The following TCOF1 variants were observed in gnomAD, a reference collection of about 807,000 sequenced individuals.
TCOF1 encodes the protein treacle protein.
A neutral mutation model predicts 149.0 loss-of-function variants in TCOF1; 33 were observed. That is an observed-to-expected ratio of 0.22 (90% CI 0.17 to 0.30). TCOF1 has a LOEUF of 0.30. TCOF1 is among the 10% of genes least tolerant of loss of function. TCOF1 has a pLI of 1.00. For synonymous variants in TCOF1, 789 were observed against 738.8 expected (o/e 1.07, Z -1.10); for missense variants, 1,728 against 1,840.7 (o/e 0.94, Z 1.12).
chr5:150,374,136 A>G, intron 7 of TCOF1, 38 bp from the exon 8 acceptor site: 1 of 1,590,194 alleles, frequency 6.3e-7, no homozygotes, highest in Non-Finnish European at 8.6e-7. Flanking sequence ...GAGAGTTTTC[A>G]CAAGCAGGAG....
chr5:150,387,849 T>C (rs978490152), intron 17 of TCOF1, 53 bp from the exon 18 acceptor site: 21 of 1,612,058 alleles, frequency 1.3e-5, no homozygotes, highest in Non-Finnish European at 1.7e-5. Flanking sequence ...TCACCTCCTT[T>C]CCCTGGCCAA....
chr5:150,375,077 G>T lies in TCOF1; in HGVS notation c.1402G>T (p.Val468Leu). The change falls in exon 10 of 27, where the codon GTG becomes TTG. Residue 468 changes from valine to leucine, a missense_variant. Around this residue, in one of 2 missense-constraint regions of TCOF1, gnomAD observed 1,696 missense variants for 1,765.4 expected, o/e 0.96. Coordinates refer to ENST00000643257, the MANE Select transcript of TCOF1 (RefSeq NM_001371623.1). Reference sequence around the variant, plus strand: ...AGGGCCTGCAGCCGCCCAGGTCCAGGTGGGGAAGCAGGAGGAGGACTCAAG... The same window carrying T: ...AGGGCCTGCAGCCGCCCAGGTCCAGTTGGGGAAGCAGGAGGAGGACTCAAG... ...KTGPAAAQVQ[V>L]GKQEEDSRSS... 1 of 1,614,190 alleles carries T rather than the reference G, an allele frequency of 6.2e-7. No homozygotes were observed. The highest frequency in any genetic ancestry group is 1.1e-5 in the South Asian group (1 of 91,084).
chr5:150,394,140 G>A (rs1236132142), intron 23 of TCOF1: 1 of 157,378 alleles, frequency 6.4e-6, no homozygotes, highest in Non-Finnish European at 1.4e-5. Flanking sequence ...TGCCTCAGAG[G>A]AAGCTGCGTC....
Position 150,393,539 on chromosome 5 carries a change from G to T in TCOF1, c.3771G>T (p.Leu1257Phe), listed in dbSNP as rs758967054. 1 of 1,614,044 alleles carries T rather than the reference G, an allele frequency of 6.2e-7. No homozygotes were observed. The highest frequency in any genetic ancestry group is 8.5e-7 in the Non-Finnish European group (1 of 1,180,038). The change falls in exon 23 of 27, where the codon TTG becomes TTT. Residue 1257 changes from leucine (L) to phenylalanine (F), a missense_variant. Physicochemically the swap from Leu to Phe is conservative, Grantham distance 22 (BLOSUM62 0). Around this residue, in one of 2 missense-constraint regions of TCOF1, gnomAD observed 1,696 missense variants for 1,765.4 expected, o/e 0.96. Coordinates refer to ENST00000643257, the MANE Select transcript of TCOF1 (RefSeq NM_001371623.1). ...AGCCCCAACAGGCAGCAGGCATGTTGTCCCCTAAAACAGGTAAGTTAAGGT... is the reference window on the plus strand; with the variant it reads ...AGCCCCAACAGGCAGCAGGCATGTTTTCCCCTAAAACAGGTAAGTTAAGGT... ...EAKPQQAAGM[L>F]SPKTGGKEAA...
At chr5:150,373,052 G>A (rs1053189442) in intron 7 of TCOF1, among the ~76,000 whole-genome samples, 1 of 152,160 alleles carries the variant, frequency 6.6e-6, no homozygotes. Context: ...CACAGTGTTG[G>A]ATGGGCATCC....
At chr5:150,384,245 C>T (rs1765819239) in intron 17 of TCOF1, 1 of 992,688 alleles carries the variant, frequency 1.0e-6, no homozygotes, top group South Asian at 4.6e-5. Flanking sequence ...AAAGAACAAC[C>T]ACCACCAACA....
intron 17 of TCOF1, among the ~76,000 whole-genome samples, chr5:150,382,127 G>T (rs548661175): frequency 5.9e-5 from 9 of 152,174 alleles, no homozygotes; most frequent in Non-Finnish European, 1.2e-4. Context: ...GGAGGTTGCA[G>T]CCTGGGCAAC....
intron 17 of TCOF1, chr5:150,384,355 G>C: frequency 1.0e-6 from 1 of 985,684 alleles, no homozygotes; most frequent in Non-Finnish European, 1.2e-6. Context: ...CTGGGAGTGA[G>C]GCTCAGAGAA....
rs777365006 is a variant in TCOF1 at position 150,364,259 on chromosome 5, G to T, written c.304+7G>T. On this transcript the variant is annotated splice_region_variant and intron_variant, in intron 3 of 26. Transcript: ENST00000643257. ...GCCGAAACCGCCAAAGCCAGTAAGA[G>T]CCTTGCAGCTTTGGGAACAGGCTAT... is the stretch of plus-strand genomic sequence containing the variant. 1.9e-6 allele frequency: 3 copies of T among 1,614,080 alleles called. No individual in the cohort carries two copies. In the East Asian group the frequency reaches 6.7e-5, roughly 36 times the overall value.
intron 17 of TCOF1, 53 bp downstream of exon 17, chr5:150,379,785 T>A: frequency 1.3e-6 from 2 of 1,592,720 alleles, no homozygotes; most frequent in Non-Finnish European, 1.7e-6. Context: ...AGAACGGGGG[T>A]ATAGGGCTGG....
intron 19 of TCOF1, among the ~76,000 whole-genome samples, chr5:150,390,296 C>T (rs1053696665): frequency 1.3e-5 from 2 of 152,208 alleles, no homozygotes; most frequent in African/African-American, 4.8e-5. Flanking sequence ...CGTAGTGGGG[C>T]TTTTGATTTT....
intron 7 of TCOF1, among the ~76,000 whole-genome samples, chr5:150,373,447 T>C (rs1762992547): frequency 6.6e-6 from 1 of 152,220 alleles, no homozygotes; most frequent in South Asian, 2.1e-4. Flanking sequence ...ACTTTCTGCA[T>C]GAGAAGCTTC....
At chr5:150,371,956 G>T in intron 6 of TCOF1, 50 bp from the exon 7 acceptor site, 1 of 1,546,084 alleles carries the variant, frequency 6.5e-7, no homozygotes. Flanking sequence ...AGAACCTTAG[G>T]GGGAAACAGT....
At chr5:150,379,453 A>T in intron 16 of TCOF1, 45 bp downstream of exon 16, 2 of 1,613,906 alleles carry the variant, frequency 1.2e-6, no homozygotes, top group South Asian at 2.2e-5. Flanking sequence ...GGGATGTAAC[A>T]CCTTTGCCAC....
chr5:150,374,500 C>G lies in TCOF1; in HGVS notation c.1083+114C>G, dbSNP rs1763262049. 4.7e-5 allele frequency: 74 copies of G among 1,565,052 alleles called. 2 individuals carry two copies. The South Asian group carries it at 8.1e-4, about 17-fold the overall frequency. ...CCGGGCGTGCCTCAGACCCCAGCCC[C>G]TTACTCCCCTCTCACTGTGTGGCAT... On this transcript the variant is annotated intron_variant, in intron 8 of 26. Transcript: ENST00000643257.
At position 150,399,484 on chromosome 5, in the gene TCOF1, A is replaced by G. The variant is rs146317004; in HGVS notation, c.*23-326A>G. Among the ~76,000 whole-genome samples, 13 of 152,210 alleles carry G rather than the reference A, an allele frequency of 8.5e-5. No individual in the cohort carries two copies. In the East Asian group the frequency reaches 2.5e-3, roughly 29 times the overall value. On this transcript the variant is annotated intron_variant, in intron 26 of 26. Transcript: ENST00000643257. Reference sequence around the variant, plus strand: ...GGTTTACTCAAGATGAGCTATCACCATGGATCTATGCTTCCCTATGGAGGA... The same window carrying G: ...GGTTTACTCAAGATGAGCTATCACCGTGGATCTATGCTTCCCTATGGAGGA...
Position 150,376,125 on chromosome 5 carries a change from A to C in TCOF1, c.1937A>C (p.Lys646Thr). ...LKIPQTKACP[K>T]KTNTTASAKV... ...ATTCCTCAGACCAAGGCCTGCCCAA[A>C]GAAAACCAATACCACTGCATCTGCC... Residue 646 changes from lysine to threonine, a missense_variant, in exon 13 of 27, where the codon AAG becomes ACG. By Grantham distance (78) the Lys-to-Thr change is moderately conservative. Transcript: ENST00000643257. 6.2e-7 allele frequency: 1 copy of C among 1,614,244 alleles called. No individual in the cohort carries two copies. The highest frequency in any genetic ancestry group is 8.5e-7 in the Non-Finnish European group (1 of 1,180,044).
intron 3 of TCOF1, among the ~76,000 whole-genome samples, chr5:150,365,549 C>T (rs1460082516): frequency 6.6e-6 from 1 of 151,994 alleles, no homozygotes; most frequent in Non-Finnish European, 1.5e-5. Flanking sequence ...CCTCCTTTGC[C>T]TCTATATTCA....
chr5:150,399,120 G>A, intron 26 of TCOF1, 50 bp downstream of exon 26: 1 of 1,607,022 alleles, frequency 6.2e-7, no homozygotes, highest in Admixed American at 1.7e-5. Flanking sequence ...GACAGCTCTG[G>A]TGTCCCCTGT....
Sources: gnomAD v4.1 joint callset for allele counts (sites outside exome capture counted in the v4.1 genomes callset) on GRCh38, gnomAD v4.1.1 for gene constraint, gnomAD v4.1.1 regional missense constraint, MANE v1.5 for transcripts, NCBI Gene and HGNC (gene_info 2026-07-23, HGNC 2026-07-21) for gene names.